Variants in DMXL1 observed in about 807,000 individuals in gnomAD.
DMXL1 encodes the protein Dmx like 1.
DMXL1 carries 99 observed loss-of-function variants against 319.2 expected under a neutral mutation model. The observed-to-expected ratio is 0.31, with a 90% CI of 0.26 to 0.37. The LOEUF (loss-of-function observed/expected upper bound fraction) is 0.37. Ranked by LOEUF, DMXL1 falls within the 10% of genes least tolerant of loss-of-function variation. The pLI, the probability that DMXL1 is intolerant of heterozygous loss-of-function variation, is 1.00. For missense variants in DMXL1, 3,745 were observed against 3,595.6 expected (o/e 1.04, Z -1.06); for synonymous variants, 1,385 against 1,235.2 (o/e 1.12, Z -2.54).
intron 1 of DMXL1, among the ~76,000 whole-genome samples, chr5:119,084,474 T>C (rs1450043446): frequency 6.6e-6 from 1 of 152,204 alleles, no homozygotes; most frequent in Non-Finnish European, 1.5e-5. Context: ...TTGGGGTGTT[T>C]GTGGCTCCAC....
At chr5:119,105,702 C>T (rs565629550) in intron 4 of DMXL1, among the ~76,000 whole-genome samples, 42 of 152,086 alleles carry the variant, frequency 2.8e-4, no homozygotes, top group African/African-American at 1.0e-3. Context: ...TCAAGACCCG[C>T]CTGACCAACA....
intron 25 of DMXL1, among the ~76,000 whole-genome samples, chr5:119,173,778 A>ATG (rs1775202784): frequency 1.1e-5 from 1 of 92,744 alleles, no homozygotes; most frequent in South Asian, 3.8e-4. Flanking sequence ...GTGTGTGTGT[A>ATG]TATATATATA....
chr5:119,184,730 T>C (rs1423449693), intron 28 of DMXL1, among the ~76,000 whole-genome samples: 2 of 152,208 alleles, frequency 1.3e-5, no homozygotes, highest in Non-Finnish European at 2.9e-5. Flanking sequence ...AGTGGAATTA[T>C]ATAGTGTTTT....
At chr5:119,071,713 G>A (rs1749612087) in intron 1 of DMXL1, 57 bp downstream of exon 1, 1 of 1,493,528 alleles carries the variant, frequency 6.7e-7, no homozygotes. Context: ...GTCATTCTGG[G>A]CCGAGCTTGG....
In DMXL1 at chr5:119,149,335, G is replaced by C; in HGVS notation, c.3508G>C (p.Gly1170Arg). The part of the protein sequence containing the change: ...SKLFMYGPLA[G>R]KVQDQTGKET... Reference sequence around the variant, plus strand: ...ACTTTTTATGTATGGACCCCTGGCTGGCAAGGTACAAGACCAAACTGGTAA... The same window carrying C: ...ACTTTTTATGTATGGACCCCTGGCTCGCAAGGTACAAGACCAAACTGGTAA... The change falls in exon 18 of 44, where the codon GGC (glycine) becomes CGC (arginine). Residue 1170 changes from glycine (G) to arginine (R), a missense_variant. By Grantham distance (125) the Gly-to-Arg change is moderately radical. This residue lies in a region of DMXL1 where 2,096 missense variants were observed against 1,985.4 expected (regional missense o/e 1.06). Transcript: ENST00000539542. 6.2e-7 allele frequency: 1 copy of C among 1,613,928 alleles called. No individual in the cohort carries two copies. Among genetic ancestry groups the C allele is most frequent in the Non-Finnish European group, 8.5e-7 (1 of 1,179,882 alleles).
chr5:119,193,600 A>G (rs1039167694), intron 29 of DMXL1, among the ~76,000 whole-genome samples: 4 of 152,204 alleles, frequency 2.6e-5, no homozygotes, highest in African/African-American at 2.4e-5. Flanking sequence ...TAAATCCGGT[A>G]GAATTCTTGC....
Position 119,091,785 on chromosome 5 carries a change from ACCTGTGGGACAAACCTCC to A in DMXL1, c.88-6193_88-6176del, listed in dbSNP as rs531340926. ...CTGGCTAAGGGTTCATGTGCTGGAAACCTGTGGGACAAACCTCCTACAGGGTGGTGTTACTACTGAACA... is the reference window on the plus strand; with the variant it reads ...CTGGCTAAGGGTTCATGTGCTGGAAATACAGGGTGGTGTTACTACTGAACA... On this transcript the variant is annotated intron_variant, in intron 1 of 43. Coordinates refer to ENST00000539542, the MANE Select transcript of DMXL1 (RefSeq NM_001290321.3). Among the ~76,000 whole-genome samples, 14 of 152,136 alleles carry A rather than the reference ACCTGTGGGACAAACCTCC, an allele frequency of 9.2e-5. No homozygotes were observed. In the East Asian group the frequency reaches 2.7e-3, roughly 29 times the overall value.
chr5:119,186,598 T>G (rs1348629136), intron 28 of DMXL1, among the ~76,000 whole-genome samples: 1 of 152,224 alleles, frequency 6.6e-6, no homozygotes, highest in Non-Finnish European at 1.5e-5. Context: ...AACCTTCCCC[T>G]TATATTTTAG....
chr5:119,215,010 G>C (rs1342660261), intron 34 of DMXL1, among the ~76,000 whole-genome samples: 1 of 152,104 alleles, frequency 6.6e-6, no homozygotes, highest in East Asian at 1.9e-4. Flanking sequence ...GCAGATTGGT[G>C]GGTAAGTTGG....
At position 119,158,468 on chromosome 5, in the gene DMXL1, A is replaced by C. The variant is rs200400180; in HGVS notation, c.4703-6039A>C. Among the ~76,000 whole-genome samples, 8 of 152,110 alleles carry C rather than the reference A, an allele frequency of 5.3e-5. No individual in the cohort carries two copies. The East Asian group carries it at 1.5e-3, about 29-fold the overall frequency. Reference sequence around the variant, plus strand: ...TTATTTCCTATTTGGATGCCTTTTTATTTCTTTCTCTTGTCTAAATGCTCT... The same window carrying C: ...TTATTTCCTATTTGGATGCCTTTTTCTTTCTTTCTCTTGTCTAAATGCTCT... On this transcript the variant is annotated intron_variant, in intron 19 of 43. Transcript: ENST00000539542.
chr5:119,238,012 G>T (rs182684867), intron 40 of DMXL1, among the ~76,000 whole-genome samples: 84 of 152,176 alleles, frequency 5.5e-4, no homozygotes, highest in Non-Finnish European at 2.5e-4. Flanking sequence ...TTAATTGCTA[G>T]AATACAGTAC....
chr5:119,113,456 T>A (rs1440611720), intron 5 of DMXL1, among the ~76,000 whole-genome samples: 1 of 152,180 alleles, frequency 6.6e-6, no homozygotes, highest in Admixed American at 6.5e-5. Context: ...TTGGCCAGGC[T>A]GGTCTCGAAC....
chr5:119,133,711 A>C lies in DMXL1; in HGVS notation c.1787A>C (p.Asn596Thr). 6.2e-7 allele frequency: 1 copy of C among 1,614,208 alleles called. No individual in the cohort carries two copies. The highest frequency in any genetic ancestry group is 8.5e-7 in the Non-Finnish European group (1 of 1,180,026). The change falls in exon 12 of 44, where the codon AAT becomes ACT. Residue 596 changes from asparagine to threonine, a missense_variant. Around this residue, in one of 4 missense-constraint regions of DMXL1, gnomAD observed 2,096 missense variants for 1,985.4 expected, o/e 1.06. Coordinates refer to ENST00000539542, the MANE Select transcript of DMXL1 (RefSeq NM_001290321.3). Reference sequence around the variant, plus strand: ...TTAAAATTAAGTATTTTTACGCCTAATGTTATGATGATATCAAAACATGCT... The same window carrying C: ...TTAAAATTAAGTATTTTTACGCCTACTGTTATGATGATATCAAAACATGCT... ...NSLKLSIFTP[N>T]VMMISKHADG...
chr5:119,193,234 C>T (rs926517036), intron 29 of DMXL1, among the ~76,000 whole-genome samples: 3 of 152,156 alleles, frequency 2.0e-5, no homozygotes, highest in Admixed American at 6.6e-5. Context: ...CCTGTCTGAG[C>T]CGTCATTTGC....
chr5:119,206,293 T>C (rs1275542614), intron 33 of DMXL1, among the ~76,000 whole-genome samples: 1 of 152,130 alleles, frequency 6.6e-6, no homozygotes, highest in African/African-American at 2.4e-5. Context: ...CAACTCTTTC[T>C]TTAACAAGTA....
chr5:119,112,830 G>A (rs559949582), intron 5 of DMXL1, among the ~76,000 whole-genome samples: 1 of 152,044 alleles, frequency 6.6e-6, no homozygotes, highest in African/African-American at 2.4e-5. Context: ...GGTGGTGCAT[G>A]CCTGTAATCC....
Position 119,148,964 on chromosome 5 carries a change from C to G in DMXL1, c.3137C>G (p.Pro1046Arg). The change falls in exon 18 of 44, where the codon CCT becomes CGT. Residue 1046 changes from proline (P) to arginine (R), a missense_variant. Coordinates refer to ENST00000539542, the MANE Select transcript of DMXL1 (RefSeq NM_001290321.3). ...AGTAGTATAACTGTACCTGGTAGGCCTGTAGAAGTTAGCTGTGCACATACA... is the reference window on the plus strand; with the variant it reads ...AGTAGTATAACTGTACCTGGTAGGCGTGTAGAAGTTAGCTGTGCACATACA... Reference protein sequence around the residue: ...SNSSITVPGRPVEVSCAHTNR... With the variant: ...SNSSITVPGRRVEVSCAHTNR... 1 of 1,613,920 alleles carries G rather than the reference C, an allele frequency of 6.2e-7. No individual in the cohort carries two copies. Among genetic ancestry groups the G allele is most frequent in the Non-Finnish European group, 8.5e-7 (1 of 1,179,862 alleles).
In DMXL1 at chr5:119,147,269, T is replaced by C. The variant is rs1473819666; in HGVS notation, c.2710T>C (p.Leu904=). 1.2e-6 allele frequency: 2 copies of C among 1,612,988 alleles called. No homozygotes were observed. The highest frequency in any genetic ancestry group is 1.7e-6 in the Non-Finnish European group (2 of 1,179,426). ...TGTAGATGAAAAAGTAGATACAAAA[T>C]TATCCGAAGCGGTTTGGCAGCCAGA... ...VSLDEKVDTK[L]SEAVWQPEEH... Residue 904 remains leucine, a synonymous_variant, in exon 17 of 44, where the codon TTA becomes CTA. Transcript: ENST00000539542.
At chr5:119,072,861 G>C (rs1430053082) in intron 1 of DMXL1, among the ~76,000 whole-genome samples, 3 of 152,248 alleles carry the variant, frequency 2.0e-5, no homozygotes, top group South Asian at 4.1e-4. Context: ...CTTGGGAAAA[G>C]AGTGAGCTCT....
Sources: gnomAD v4.1 joint callset for allele counts (sites outside exome capture counted in the v4.1 genomes callset) on GRCh38, gnomAD v4.1.1 for gene constraint, gnomAD v4.1.1 regional missense constraint, MANE v1.5 for transcripts, NCBI Gene and HGNC (gene_info 2026-07-23, HGNC 2026-07-21) for gene names.